The following SPACA7 variants were observed in gnomAD, a reference collection of about 807,000 sequenced individuals.
SPACA7 encodes the protein sperm acrosome associated 7.
SPACA7 carries 19 observed loss-of-function variants against 26.3 expected under a neutral mutation model. The observed-to-expected ratio is 0.72, with a 90% confidence interval of 0.50 to 1.06. The LOEUF (loss-of-function observed/expected upper bound fraction) is 1.06, where lower values mean the gene tolerates loss of function less well. Among genes scored for constraint, SPACA7 ranks in the 50% least tolerant of loss-of-function variants. The pLI is 0.00. For synonymous variants in SPACA7, 84 were observed against 84.5 expected (o/e 0.99, Z 0.04); for missense variants, 211 against 229.9 (o/e 0.92, Z 0.53).
chr13:112,426,221 A>C (rs1277761336), intron 5 of SPACA7, among the ~76,000 whole-genome samples: 2 of 152,236 alleles, frequency 1.3e-5, no homozygotes, highest in Middle Eastern at 3.2e-3. Flanking sequence ...GTCGAAAATC[A>C]GTTCATCATA....
At chr13:112,410,226 G>A (rs1315705070) in intron 5 of SPACA7, among the ~76,000 whole-genome samples, 3 of 152,062 alleles carry the variant, frequency 2.0e-5, no homozygotes, top group Non-Finnish European at 2.9e-5. Context: ...TGGGGTGCGG[G>A]GATGGGGGAG....
intron 1 of SPACA7, among the ~76,000 whole-genome samples, chr13:112,390,923 A>G (rs1032925219): frequency 6.6e-6 from 1 of 152,198 alleles, no homozygotes; most frequent in South Asian, 2.1e-4. Flanking sequence ...CGTGTCCTAC[A>G]TGGACTGGCC....
intron 2 of SPACA7, among the ~76,000 whole-genome samples, chr13:112,395,509 C>T (rs1239952260): frequency 6.6e-6 from 1 of 152,164 alleles, no homozygotes; most frequent in African/African-American, 2.4e-5. Flanking sequence ...ACACTCTTGC[C>T]ACCCAGGGTG....
At chr13:112,384,888 A>G (rs1420377552) in intron 1 of SPACA7, among the ~76,000 whole-genome samples, 2 of 152,188 alleles carry the variant, frequency 1.3e-5, no homozygotes, top group Non-Finnish European at 2.9e-5. Flanking sequence ...TCATGTATGT[A>G]TTGGTGCATT....
At chr13:112,380,405 CAAAAAAAAAAAAA>C (rs5806946) in intron 1 of SPACA7, among the ~76,000 whole-genome samples, 10 of 74,054 alleles carry the variant, frequency 1.4e-4, no homozygotes, top group Non-Finnish European at 1.8e-4. Context: ...AACTCAGTCT[CAAAAAAAAAAAAA>C]AAAAAAAAAC....
At chr13:112,392,907 G>A in intron 1 of SPACA7, 114 bp from the exon 2 acceptor site, 1 of 752,456 alleles carries the variant, frequency 1.3e-6, no homozygotes, top group Non-Finnish European at 2.1e-6. Context: ...CTTGGGCAGG[G>A]CTCCTTCCTC....
At chr13:112,398,271 G>C in intron 3 of SPACA7, 133 bp downstream of exon 3, 1 of 662,372 alleles carries the variant, frequency 1.5e-6, no homozygotes, top group Non-Finnish European at 2.7e-6. Flanking sequence ...GGCACATGGA[G>C]ATGTGAACAA....
chr13:112,434,250 C>T (rs1370158648), intron 6 of SPACA7, among the ~76,000 whole-genome samples: 8 of 152,232 alleles, frequency 5.3e-5, no homozygotes, highest in Non-Finnish European at 7.4e-5. Flanking sequence ...TGAGGGAGAA[C>T]GCGGGGGAAA....
chr13:112,428,897 T>C (rs1340090271), intron 5 of SPACA7, among the ~76,000 whole-genome samples: 2 of 152,218 alleles, frequency 1.3e-5, no homozygotes, highest in Non-Finnish European at 2.9e-5. Flanking sequence ...TTCTATATCC[T>C]TATTAAATTT....
At chr13:112,424,729 C>T (rs922169684) in intron 5 of SPACA7, among the ~76,000 whole-genome samples, 2 of 152,138 alleles carry the variant, frequency 1.3e-5, no homozygotes, top group African/African-American at 4.8e-5. Context: ...GTCCAGGCAG[C>T]TCCTGATTTA....
intron 5 of SPACA7, among the ~76,000 whole-genome samples, chr13:112,410,625 T>A (rs1886289093): frequency 1.3e-5 from 2 of 152,104 alleles, no homozygotes. Flanking sequence ...ACCTGAGTAG[T>A]CCAATTCAGA....
chr13:112,383,049 AAG>A (rs1566452411), intron 1 of SPACA7, among the ~76,000 whole-genome samples: 141 of 145,364 alleles, frequency 9.7e-4, no homozygotes, highest in African/African-American at 2.9e-3. Context: ...AGAAAGACAG[AAG>A]GAAAGAAAGA....
chr13:112,403,093 T>A (rs2050195242), intron 5 of SPACA7, among the ~76,000 whole-genome samples: 1 of 152,154 alleles, frequency 6.6e-6, no homozygotes, highest in Admixed American at 6.5e-5. Context: ...TTATGAGAAA[T>A]CCCTGTGAAA....
intron 5 of SPACA7, among the ~76,000 whole-genome samples, chr13:112,427,765 A>C (rs1415619978): frequency 2.0e-5 from 3 of 152,210 alleles, no homozygotes; most frequent in Non-Finnish European, 2.9e-5. Flanking sequence ...TTCTTTAATA[A>C]GCTTTGATAA....
chr13:112,403,135 T>A (rs1052830910), intron 5 of SPACA7, among the ~76,000 whole-genome samples: 13 of 152,176 alleles, frequency 8.5e-5, no homozygotes, highest in African/African-American at 3.1e-4. Context: ...TCTGGGGTAG[T>A]TCCTTAATAA....
chr13:112,433,575 C>T (rs1472091746), intron 6 of SPACA7, among the ~76,000 whole-genome samples: 2 of 151,602 alleles, frequency 1.3e-5, no homozygotes, highest in Admixed American at 6.6e-5. Flanking sequence ...AGCCGGCCAG[C>T]TCGTCCTTTG....
chr13:112,423,722 A>G (rs536550834), intron 5 of SPACA7, among the ~76,000 whole-genome samples: 1 of 152,186 alleles, frequency 6.6e-6, no homozygotes, highest in Non-Finnish European at 1.5e-5. Context: ...GTATGTTCTA[A>G]AGGAAGAGAA....
Position 112,383,082 on chromosome 13 carries a change from AAAAG to A in SPACA7, c.94+6618_94+6621del, listed in dbSNP as rs1187005643. ...AAAGAGACAGAAAGAGAAAGAAAGA[AAAAG>A]AAAGAAAGAAAGAAGAAAGAAAAGA... On this transcript the variant is annotated intron_variant, in intron 1 of 6. Transcript: ENST00000283550. Among the ~76,000 whole-genome samples, 299 of 102,474 alleles carry A rather than the reference AAAAG, an allele frequency of 2.9e-3. 2 individuals are homozygous for A. Among genetic ancestry groups the A allele is most frequent in the Non-Finnish European group, 4.4e-3 (226 of 51,844 alleles). The allele number at this position is 102,474 out of a possible 152,430, so 67.2% of individuals were successfully genotyped here.
chr13:112,407,222 G>A (rs1442364556), intron 5 of SPACA7, among the ~76,000 whole-genome samples: 1 of 152,220 alleles, frequency 6.6e-6, no homozygotes, highest in Non-Finnish European at 1.5e-5. Context: ...AAAGCAGTAT[G>A]TAGAGGGAAA....
Sources: allele counts gnomAD v4.1 joint callset (sites outside exome capture counted in the v4.1 genomes callset), GRCh38; gene constraint gnomAD v4.1.1; transcripts MANE v1.5; gene names NCBI Gene and HGNC (gene_info 2026-07-23, HGNC 2026-07-21).